Variants in PDGFD observed in about 807,000 individuals in gnomAD.
The protein encoded by PDGFD is platelet derived growth factor D.
A neutral mutation model predicts 44.7 loss-of-function variants in PDGFD; 30 were observed. The observed-to-expected ratio is 0.67, with a 90% confidence interval of 0.50 to 0.91. PDGFD has a LOEUF of 0.91. PDGFD is among the 40% of genes least tolerant of loss of function. PDGFD has a pLI of 0.00. For missense variants in PDGFD, 445 were observed against 457.8 expected (o/e 0.97, Z 0.25); for synonymous variants, 173 against 168.4 (o/e 1.03, Z -0.21).
rs773688738 is a variant in PDGFD, at chr11:104,037,870, G to C, written c.125-37615C>G. 9.9e-6 allele frequency: 16 copies of C among 1,614,074 alleles called. No homozygotes were observed. Among genetic ancestry groups the C allele is most frequent in the Non-Finnish European group, 1.3e-5 (15 of 1,180,050 alleles). ...CATCGATTTGAAGAAAAATGTGCTG[G>C]TCATCGGCACCACTGGCACGCAGAC... On this transcript the variant is annotated intron_variant, in intron 1 of 6. Transcript: ENST00000393158.
chr11:104,156,658 G>A (rs1033066599), intron 1 of PDGFD, among the ~76,000 whole-genome samples: 5 of 152,114 alleles, frequency 3.3e-5, no homozygotes, highest in Admixed American at 6.6e-5. Context: ...GTATTAATCT[G>A]TCAATATTAA....
At chr11:104,033,250 A>T (rs1434310936) in intron 1 of PDGFD, among the ~76,000 whole-genome samples, 1 of 152,150 alleles carries the variant, frequency 6.6e-6, no homozygotes, top group East Asian at 1.9e-4. Context: ...TACTAAACAC[A>T]GGAGGCTGTG....
chr11:104,000,002 T>A, intron 2 of PDGFD, 49 bp downstream of exon 2: 1 of 1,485,418 alleles, frequency 6.7e-7, no homozygotes. Context: ...TTCATCTTTT[T>A]CTTTTTTCAC....
chr11:104,012,818 T>C (rs748189730), intron 1 of PDGFD, among the ~76,000 whole-genome samples: 1 of 152,222 alleles, frequency 6.6e-6, no homozygotes, highest in African/African-American at 2.4e-5. Context: ...TATTTAGAGC[T>C]ATGCAGGGGA....
At position 104,152,767 on chromosome 11, in the gene PDGFD, C is replaced by G. The variant is rs114962960; in HGVS notation, c.124+11037G>C. On this transcript the variant is annotated intron_variant, in intron 1 of 6. Transcript: ENST00000393158. ...AATATGCTATGTCCAAGGTGGCAGT[C>G]TAAAAGTATATGTAATTTGGGGTTT... 6.7e-3 allele frequency among the ~76,000 whole-genome samples: 1,024 copies of G among 152,078 alleles called. 13 individuals are homozygous for G. Among genetic ancestry groups the G allele is most frequent in the African/African-American group, 0.024 (979 of 41,494 alleles).
chr11:103,937,879 G>A (rs1008314831), intron 5 of PDGFD, among the ~76,000 whole-genome samples: 10 of 151,844 alleles, frequency 6.6e-5, no homozygotes, highest in Admixed American at 2.6e-4. Context: ...CAAAGGACAC[G>A]AACTCATCAT....
intron 1 of PDGFD, among the ~76,000 whole-genome samples, chr11:104,024,113 C>A (rs917742535): frequency 6.6e-6 from 1 of 151,988 alleles, no homozygotes; most frequent in Non-Finnish European, 1.5e-5. Context: ...TCCTTTGGGA[C>A]TCTGGTAAAT....
Position 104,020,739 on chromosome 11 carries a change from T to C in PDGFD, c.125-20484A>G, listed in dbSNP as rs146942373. On this transcript the variant is annotated intron_variant, in intron 1 of 6. Coordinates refer to ENST00000393158, the MANE Select transcript of PDGFD (RefSeq NM_025208.5). Reference sequence around the variant, plus strand: ...TCCTAATATTACATTATTCCCTGCATAGACCTATGCTACTGGTCAAGAATT... The same window carrying C: ...TCCTAATATTACATTATTCCCTGCACAGACCTATGCTACTGGTCAAGAATT... Among the ~76,000 whole-genome samples, 12 of 152,288 alleles carry C rather than the reference T, an allele frequency of 7.9e-5. No homozygotes were observed. The East Asian group carries it at 2.3e-3, about 29-fold the overall frequency.
chr11:103,915,942 C>A (rs1273239756), intron 6 of PDGFD, among the ~76,000 whole-genome samples: 7 of 152,084 alleles, frequency 4.6e-5, no homozygotes, highest in African/African-American at 1.7e-4. Context: ...AAAGTTAACT[C>A]AAGATGAATT....
intron 1 of PDGFD, among the ~76,000 whole-genome samples, chr11:104,040,570 G>T (rs1860331172): frequency 6.6e-6 from 1 of 151,840 alleles, no homozygotes; most frequent in Admixed American, 6.6e-5. Context: ...ACATCAATCA[G>T]GCACTATGCA....
At chr11:104,143,808 A>G (rs935854545) in intron 1 of PDGFD, among the ~76,000 whole-genome samples, 1 of 152,204 alleles carries the variant, frequency 6.6e-6, no homozygotes, top group Non-Finnish European at 1.5e-5. Flanking sequence ...CCAGGAAAGG[A>G]TTTACATCTC....
chr11:104,125,254 C>A (rs1156619713), intron 1 of PDGFD, among the ~76,000 whole-genome samples: 1 of 152,084 alleles, frequency 6.6e-6, no homozygotes, highest in Non-Finnish European at 1.5e-5. Flanking sequence ...TCCTGCTTAC[C>A]AGCTATTTGA....
At chr11:104,003,140 G>A (rs1859645530) in intron 1 of PDGFD, among the ~76,000 whole-genome samples, 1 of 152,210 alleles carries the variant, frequency 6.6e-6, no homozygotes, top group African/African-American at 2.4e-5. Flanking sequence ...AATGTAAACA[G>A]GCAAAAGGGA....
At chr11:104,112,101 T>C (rs1037997077) in intron 1 of PDGFD, among the ~76,000 whole-genome samples, 1 of 152,320 alleles carries the variant, frequency 6.6e-6, no homozygotes, top group Non-Finnish European at 1.5e-5. Flanking sequence ...AAGATACTTA[T>C]TATATTTCCT....
chr11:104,057,444 T>C (rs953152425), intron 1 of PDGFD, among the ~76,000 whole-genome samples: 1 of 151,944 alleles, frequency 6.6e-6, no homozygotes, highest in Admixed American at 6.5e-5. Flanking sequence ...AAATACCACA[T>C]GCCCTCACTT....
In PDGFD at chr11:103,909,336, G is replaced by A. The variant is rs1306511239; in HGVS notation, c.*358C>T. On this transcript the variant is annotated 3_prime_UTR_variant, in exon 7 of 7. Coordinates refer to ENST00000393158, the MANE Select transcript of PDGFD (RefSeq NM_025208.5). ...TTGACCATCCCTTATTTTGGCAAAGGATTTTAAGAGTCTAACTCAAACATA... is the reference window on the plus strand; with the variant it reads ...TTGACCATCCCTTATTTTGGCAAAGAATTTTAAGAGTCTAACTCAAACATA... 6.3e-6 allele frequency: 1 copy of A among 159,812 alleles called. No individual in the cohort carries two copies. Among genetic ancestry groups the A allele is most frequent in the East Asian group, 1.8e-4 (1 of 5,590 alleles). 9.9% of individuals were successfully genotyped at this position (159,812 alleles called of 1,614,324 possible). A position where few individuals can be genotyped will look rare whatever the true frequency, so the allele number is the denominator to read the frequency against.
chr11:103,925,659 CTCTA>C (rs1440003170), intron 6 of PDGFD, among the ~76,000 whole-genome samples: 8 of 144,706 alleles, frequency 5.5e-5, no homozygotes, highest in African/African-American at 2.0e-4. Flanking sequence ...CTCTCTCTCT[CTCTA>C]TGTGTGTGTG....
intron 6 of PDGFD, among the ~76,000 whole-genome samples, chr11:103,921,741 T>C (rs1367581791): frequency 6.7e-6 from 1 of 149,558 alleles, no homozygotes; most frequent in Non-Finnish European, 1.5e-5. Flanking sequence ...GAAGAAGTCA[T>C]TTTTTTTTCA....
At chr11:104,141,049 C>T (rs1862077653) in intron 1 of PDGFD, among the ~76,000 whole-genome samples, 1 of 152,178 alleles carries the variant, frequency 6.6e-6, no homozygotes, top group African/African-American at 2.4e-5. Context: ...GCTTCTATCT[C>T]TCTTCTTCTC....
Sources: allele counts gnomAD v4.1 joint callset (sites outside exome capture counted in the v4.1 genomes callset), GRCh38; gene constraint gnomAD v4.1.1; transcripts MANE v1.5; gene names NCBI Gene and HGNC (gene_info 2026-07-23, HGNC 2026-07-21).